Variants in AXDND1 observed in about 807,000 individuals in gnomAD.
AXDND1 encodes axonemal dynein light chain domain containing 1.
In AXDND1, 110 loss-of-function variants were observed where a neutral mutation model predicts 137.5. The ratio of observed to expected loss-of-function variants is 0.80; its 90% CI spans 0.69 to 0.94. The LOEUF is 0.94. AXDND1 is among the 40% of genes least tolerant of loss of function. The pLI, the probability that AXDND1 is intolerant of heterozygous loss-of-function variation, is 0.00. For missense variants in AXDND1, 1,191 were observed against 1,169.8 expected, an observed-to-expected ratio of 1.02 and a Z score of -0.26; for synonymous variants, 414 against 399.7, an observed-to-expected ratio of 1.04 and a Z score of -0.43.
At chr1:179,412,265 A>G (rs960805545) in intron 12 of AXDND1, among the ~76,000 whole-genome samples, 5 of 152,180 alleles carry the variant, frequency 3.3e-5, no homozygotes, top group African/African-American at 9.7e-5. Flanking sequence ...ACAATATTCT[A>G]TATTTCTAAA....
intron 9 of AXDND1, among the ~76,000 whole-genome samples, chr1:179,391,841 G>T (rs890566007): frequency 1.3e-5 from 2 of 152,008 alleles, no homozygotes; most frequent in African/African-American, 4.8e-5. Flanking sequence ...CCTGGCCAGA[G>T]ATCTGATAGT....
intron 12 of AXDND1, among the ~76,000 whole-genome samples, chr1:179,429,011 A>T (rs1482605000): frequency 6.6e-6 from 1 of 152,082 alleles, no homozygotes; most frequent in Non-Finnish European, 1.5e-5. Flanking sequence ...CCTCATCTCT[A>T]CTAAAAATAA....
intron 21 of AXDND1, among the ~76,000 whole-genome samples, chr1:179,524,612 T>C (rs114421738): frequency 6.6e-6 from 1 of 152,308 alleles, no homozygotes; most frequent in African/African-American, 2.4e-5. Context: ...AAACTAAGTG[T>C]CATTCAAGAT....
At chr1:179,376,556 C>T (rs964493300) in intron 4 of AXDND1, among the ~76,000 whole-genome samples, 7 of 152,326 alleles carry the variant, frequency 4.6e-5, no homozygotes, top group Non-Finnish European at 1.0e-4. Context: ...CTGTTCTCTA[C>T]ACTTTTCGGT....
chr1:179,525,252 T>G, intron 21 of AXDND1, 82 bp from the exon 22 acceptor site: 1 of 1,350,430 alleles, frequency 7.4e-7, no homozygotes, highest in South Asian at 1.4e-5. Flanking sequence ...AGCTGCAGGA[T>G]TAGTGCTCAT....
At chr1:179,395,763 A>C (rs1333492026) in intron 11 of AXDND1, among the ~76,000 whole-genome samples, 1 of 152,224 alleles carries the variant, frequency 6.6e-6, no homozygotes, top group Non-Finnish European at 1.5e-5. Flanking sequence ...CATTCAGAAA[A>C]AGAAAGCATT....
chr1:179,553,261 AG>A (rs1673585963), intron 25 of AXDND1, among the ~76,000 whole-genome samples: 1 of 152,248 alleles, frequency 6.6e-6, no homozygotes, highest in Non-Finnish European at 1.5e-5. Context: ...TTCTAGATAC[AG>A]ACCCAAGATA....
At chr1:179,508,606 A>G (rs1260196104) in intron 20 of AXDND1, among the ~76,000 whole-genome samples, 1 of 152,140 alleles carries the variant, frequency 6.6e-6, no homozygotes, top group African/African-American at 2.4e-5. Context: ...ACCTTAGGGG[A>G]TTAAAACCTG....
intron 8 of AXDND1, 137 bp from the exon 9 acceptor site, chr1:179,385,101 T>C: frequency 1.3e-6 from 1 of 765,658 alleles, no homozygotes; most frequent in Non-Finnish European, 2.1e-6. Context: ...CTTTTGTATA[T>C]ATATAAATGA....
chr1:179,548,425 C>G (rs1016913609), intron 25 of AXDND1, among the ~76,000 whole-genome samples: 1 of 152,114 alleles, frequency 6.6e-6, no homozygotes, highest in Non-Finnish European at 1.5e-5. Context: ...GAGCCTGAAT[C>G]AAATCTAATA....
intron 18 of AXDND1, among the ~76,000 whole-genome samples, chr1:179,489,624 A>G (rs1666606500): frequency 6.6e-6 from 1 of 152,164 alleles, no homozygotes; most frequent in Non-Finnish European, 1.5e-5. Flanking sequence ...CCTTTTCCTG[A>G]TACATAAATT....
chr1:179,525,485 A>G (rs1481595171), intron 22 of AXDND1, 38 bp downstream of exon 22: 1 of 1,478,226 alleles, frequency 6.8e-7, no homozygotes, highest in Admixed American at 2.1e-5. Context: ...TCCTACATAC[A>G]TACATACATA....
intron 11 of AXDND1, among the ~76,000 whole-genome samples, chr1:179,407,892 T>A (rs1653228466): frequency 6.6e-6 from 1 of 152,190 alleles, no homozygotes; most frequent in Non-Finnish European, 1.5e-5. Flanking sequence ...ATAAAAAAAA[T>A]TTGGTCACTT....
chr1:179,464,721 G>A (rs918863573), intron 16 of AXDND1, among the ~76,000 whole-genome samples: 1 of 152,158 alleles, frequency 6.6e-6, no homozygotes, highest in Non-Finnish European at 1.5e-5. Context: ...TTCCAACTTG[G>A]TTCCATTCTC....
At chr1:179,405,337 T>C (rs1160578327) in intron 11 of AXDND1, among the ~76,000 whole-genome samples, 1 of 152,200 alleles carries the variant, frequency 6.6e-6, no homozygotes, top group Non-Finnish European at 1.5e-5. Flanking sequence ...GACATTTGGG[T>C]TGGTTCCAAA....
At chr1:179,493,216 AT>A (rs1011800716) in intron 20 of AXDND1, among the ~76,000 whole-genome samples, 1 of 152,170 alleles carries the variant, frequency 6.6e-6, no homozygotes, top group South Asian at 2.1e-4. Context: ...AACACCAAAG[AT>A]TTTTTTTATT....
At chr1:179,475,295 T>G (rs1159350121) in intron 17 of AXDND1, among the ~76,000 whole-genome samples, 1 of 152,190 alleles carries the variant, frequency 6.6e-6, no homozygotes, top group Non-Finnish European at 1.5e-5. Flanking sequence ...GAATAGTAGA[T>G]GCATCAACAC....
At chr1:179,470,577 G>C (rs561463701) in intron 17 of AXDND1, among the ~76,000 whole-genome samples, 2 of 151,984 alleles carry the variant, frequency 1.3e-5, no homozygotes, top group East Asian at 1.9e-4. Context: ...CTTTATTTCA[G>C]ATTGTTTATT....
rs1037187231 is a variant in AXDND1, at chr1:179,501,584, C to T, written c.2389-7712C>T. Among the ~76,000 whole-genome samples the T allele has an allele frequency of 2.6e-5, 4 of 152,142 alleles. No homozygotes were observed. The East Asian group carries it at 7.7e-4, about 29-fold the overall frequency. On this transcript the variant is annotated intron_variant, in intron 20 of 25. Coordinates refer to ENST00000367618, the MANE Select transcript of AXDND1 (RefSeq NM_144696.6). ...AAAATTAGCCAGGTGTGGTGGTGCACCCCTGTAGTTCCAGCTACTGGGGAG... is the reference window on the plus strand; with the variant it reads ...AAAATTAGCCAGGTGTGGTGGTGCATCCCTGTAGTTCCAGCTACTGGGGAG...
Sources: gnomAD v4.1 joint callset for allele counts (sites outside exome capture counted in the v4.1 genomes callset) on GRCh38, gnomAD v4.1.1 for gene constraint, MANE v1.5 for transcripts, NCBI Gene and HGNC (gene_info 2026-07-23, HGNC 2026-07-21) for gene names.